Variants in RANBP17 observed in about 807,000 individuals in gnomAD.
RANBP17 encodes RAN binding protein 17, also known as ran-binding protein 17.
RANBP17 carries 158 observed loss-of-function variants against 141.2 expected under a neutral mutation model. That is an observed-to-expected ratio of 1.12 (90% CI 0.98 to 1.28). The LOEUF (loss-of-function observed/expected upper bound fraction) is 1.28. Among genes scored for constraint, RANBP17 ranks in the 50% most tolerant of loss-of-function variants. The probability of loss-of-function intolerance (pLI) is 0.00; values close to 1 mark genes in which losing one functional copy is unlikely to be tolerated. For missense variants in RANBP17, 1,438 were observed against 1,290.7 expected (o/e 1.11, Z -1.75); for synonymous variants, 430 against 450.0 (o/e 0.96, Z 0.56).
chr5:171,115,548 G>A (rs558010948), intron 14 of RANBP17, among the ~76,000 whole-genome samples: 3 of 152,098 alleles, frequency 2.0e-5, no homozygotes, highest in Non-Finnish European at 4.4e-5. Context: ...TAAATAACTA[G>A]ACTACATATC....
rs1363293615 is a variant in RANBP17, at chr5:171,194,459, A to C, written c.2039-5211A>C. 2.0e-5 allele frequency among the ~76,000 whole-genome samples: 3 copies of C among 152,176 alleles called. No homozygotes were observed. In the East Asian group the frequency reaches 5.8e-4, roughly 29 times the overall value. On this transcript the variant is annotated intron_variant, in intron 18 of 27. Coordinates refer to ENST00000523189, the MANE Select transcript of RANBP17 (RefSeq NM_022897.5). ...GACATTAATATAAATGGAATCATAC[A>C]ATTTGTGGCCTCTGTATCTGGCCTC...
intron 14 of RANBP17, among the ~76,000 whole-genome samples, chr5:171,155,708 T>C (rs987601577): frequency 6.6e-6 from 1 of 152,194 alleles, no homozygotes; most frequent in Non-Finnish European, 1.5e-5. Flanking sequence ...CATTCATTTG[T>C]ATAGTGGATT....
chr5:171,286,321 TCC>T (rs1768168996), intron 25 of RANBP17, among the ~76,000 whole-genome samples: 2 of 152,122 alleles, frequency 1.3e-5, no homozygotes, highest in South Asian at 4.2e-4. Flanking sequence ...TTGGCAGGGA[TCC>T]CCAGTGATTC....
At chr5:171,087,343 T>C (rs1036553506) in intron 14 of RANBP17, among the ~76,000 whole-genome samples, 1 of 152,014 alleles carries the variant, frequency 6.6e-6, no homozygotes, top group Non-Finnish European at 1.5e-5. Flanking sequence ...TTGTTATAAT[T>C]TCTGTTCTTT....
At chr5:171,186,562 A>G (rs1761263774) in intron 18 of RANBP17, among the ~76,000 whole-genome samples, 1 of 22,442 alleles carries the variant, frequency 4.5e-5, no homozygotes, top group Non-Finnish European at 1.1e-4. Context: ...TTTGAGACGG[A>G]GTCTCGCTCT....
At chr5:170,954,510 T>TTA (rs1775446232) in intron 13 of RANBP17, among the ~76,000 whole-genome samples, 1 of 83,092 alleles carries the variant, frequency 1.2e-5, no homozygotes, top group Non-Finnish European at 2.4e-5. Context: ...GTGGTATATT[T>TTA]TACACACACA....
chr5:170,875,252 C>T (rs1339668644), intron 1 of RANBP17, among the ~76,000 whole-genome samples: 1 of 152,104 alleles, frequency 6.6e-6, no homozygotes, highest in African/African-American at 2.4e-5. Context: ...CCTCCTGCTG[C>T]TCTTTATGTT....
At chr5:171,221,411 T>A (rs952578212) in intron 21 of RANBP17, among the ~76,000 whole-genome samples, 1 of 152,228 alleles carries the variant, frequency 6.6e-6, no homozygotes, top group African/African-American at 2.4e-5. Flanking sequence ...AGTATTTGTC[T>A]AAACTTAGAC....
At chr5:171,172,332 G>A (rs1182075741) in intron 16 of RANBP17, among the ~76,000 whole-genome samples, 1 of 151,590 alleles carries the variant, frequency 6.6e-6, no homozygotes. Flanking sequence ...GCCAGGGAGG[G>A]CTATTTATCA....
rs113629056 is a variant in RANBP17, at chr5:171,177,322, G to A, written c.1866-5845G>A. Among the ~76,000 whole-genome samples, 94 of 152,022 alleles carry A rather than the reference G, an allele frequency of 6.2e-4. 1 individual carries two copies. The highest frequency in any genetic ancestry group is 2.2e-3 in the African/African-American group (92 of 41,464). On this transcript the variant is annotated intron_variant, in intron 16 of 27. Transcript: ENST00000523189. ...TTAGATTTTTGTTTCACAAAATTAC[G>A]TACCTTGAGTATTGTTTTGATCTGA...
chr5:171,101,212 T>C (rs1053448356), intron 14 of RANBP17, among the ~76,000 whole-genome samples: 1 of 152,134 alleles, frequency 6.6e-6, no homozygotes, highest in African/African-American at 2.4e-5. Context: ...AAGTCTCCCA[T>C]TATTATTGTG....
intron 5 of RANBP17, among the ~76,000 whole-genome samples, chr5:170,905,001 A>G (rs948977518): frequency 6.6e-6 from 1 of 152,148 alleles, no homozygotes; most frequent in African/African-American, 2.4e-5. Context: ...TAATTTGTAC[A>G]CTTAACATGT....
intron 24 of RANBP17, among the ~76,000 whole-genome samples, chr5:171,259,455 T>C (rs1279645902): frequency 6.6e-6 from 1 of 152,126 alleles, no homozygotes; most frequent in African/African-American, 2.4e-5. Context: ...AGCAAAGACA[T>C]AGAATCAATC....
chr5:170,915,128 T>A (rs1393739891), intron 8 of RANBP17, among the ~76,000 whole-genome samples: 1 of 152,134 alleles, frequency 6.6e-6, no homozygotes, highest in Non-Finnish European at 1.5e-5. Context: ...GTCGCAACAG[T>A]CTTGCTTTTA....
intron 16 of RANBP17, among the ~76,000 whole-genome samples, chr5:171,173,878 G>T (rs1372170139): frequency 6.6e-6 from 1 of 152,128 alleles, no homozygotes; most frequent in East Asian, 1.9e-4. Flanking sequence ...TTAGAAAATA[G>T]AGCTGCATTG....
chr5:171,207,173 A>G (rs1467472160), intron 20 of RANBP17: 1 of 157,614 alleles, frequency 6.3e-6, no homozygotes, highest in Non-Finnish European at 1.4e-5. Context: ...AGCAACTCTC[A>G]AAATCAAAAT....
chr5:171,222,946 G>A (rs1308009578), intron 22 of RANBP17, among the ~76,000 whole-genome samples: 1 of 152,062 alleles, frequency 6.6e-6, no homozygotes, highest in Non-Finnish European at 1.5e-5. Context: ...TAATATTTGG[G>A]TACCCAGAAA....
chr5:170,975,305 G>A (rs1777275729), intron 14 of RANBP17, among the ~76,000 whole-genome samples: 1 of 152,130 alleles, frequency 6.6e-6, no homozygotes, highest in Non-Finnish European at 1.5e-5. Flanking sequence ...GAGGTGGGTA[G>A]ATCACCTGAG....
chr5:171,177,373 A>G (rs1056032316), intron 16 of RANBP17, among the ~76,000 whole-genome samples: 11 of 151,996 alleles, frequency 7.2e-5, no homozygotes, highest in African/African-American at 2.7e-4. Flanking sequence ...AAAGCCCACA[A>G]TCTCTTCCAC....
Sources: allele counts gnomAD v4.1 joint callset (sites outside exome capture counted in the v4.1 genomes callset), GRCh38; gene constraint gnomAD v4.1.1; transcripts MANE v1.5; gene names NCBI Gene and HGNC (gene_info 2026-07-23, HGNC 2026-07-21).